Variants in TNIP2 observed in about 807,000 individuals in gnomAD.
TNIP2 encodes TNFAIP3-interacting protein 2.
TNIP2 carries 30 observed loss-of-function variants against 43.7 expected under a neutral mutation model. The observed-to-expected ratio is 0.69, with a 90% CI of 0.51 to 0.93. TNIP2 has a LOEUF of 0.93. Ranked by LOEUF, TNIP2 falls within the 40% of genes least tolerant of loss-of-function variation. The probability of loss-of-function intolerance (pLI) is 0.00; values close to 1 mark genes in which losing one functional copy is unlikely to be tolerated. For missense variants in TNIP2, 599 were observed against 591.0 expected, an observed-to-expected ratio of 1.01 and a Z score of -0.14; for synonymous variants, 260 against 254.6, an observed-to-expected ratio of 1.02 and a Z score of -0.20.
chr4:2,754,370 A>C (rs1722173396), intron 1 of TNIP2, among the ~76,000 whole-genome samples: 1 of 152,276 alleles, frequency 6.6e-6, no homozygotes, highest in African/African-American at 2.4e-5. Context: ...AAAAACAGAC[A>C]TAAACATCAT....
At position 2,744,909 on chromosome 4, in the gene TNIP2, C is replaced by A; in HGVS notation, c.694G>T (p.Ala232Ser). 6.2e-7 allele frequency: 1 copy of A among 1,610,046 alleles called. No homozygotes were observed. Among genetic ancestry groups the A allele is most frequent in the Non-Finnish European group, 8.5e-7 (1 of 1,176,824 alleles). The change falls in exon 4 of 6, where the codon GCC becomes TCC. Residue 232 changes from alanine to serine, a missense_variant. Physicochemically the swap from Ala to Ser is moderately conservative, Grantham distance 99. Coordinates refer to ENST00000315423, the MANE Select transcript of TNIP2 (RefSeq NM_024309.4). This position sits in a 1 kb window ranked among gnomAD's most constrained non-coding sequence, Gnocchi z 5.1. The part of the protein sequence containing the change: ...DLNAKWQRYN[A>S]SRDEYVRGLH... ...CCCCTCACGTATTCGTCCCTGCTGG[C>A]GTTGTAGCGCTGCCACTTGGCATTG... is the stretch of plus-strand genomic sequence containing the variant.
At position 2,747,929 on chromosome 4, in the gene TNIP2, G is replaced by A. The variant is rs748371037; in HGVS notation, c.293C>T (p.Thr98Ile). ...CCTCTCTTTTTCTTCTAGTCGCTCA[G>A]TCAGCCTCTCAATTTCCTAAGTGGA... is the stretch of plus-strand genomic sequence containing the variant. Reference protein sequence around the residue: ...AQMRQEIERLTERLEEKEREM... With the variant: ...AQMRQEIERLIERLEEKEREM... Residue 98 changes from threonine to isoleucine, a missense_variant, in exon 2 of 6, where the codon ACT becomes ATT. Physicochemically the swap from Thr to Ile is moderately conservative, Grantham distance 89. Coordinates refer to ENST00000315423, the MANE Select transcript of TNIP2 (RefSeq NM_024309.4). The A allele has an allele frequency of 6.2e-7, 1 of 1,612,040 alleles. No homozygotes were observed. The highest frequency in any genetic ancestry group is 1.1e-5 in the South Asian group (1 of 91,080).
At chr4:2,746,458 T>C (rs767057131) in intron 2 of TNIP2, among the ~76,000 whole-genome samples, 5 of 152,008 alleles carry the variant, frequency 3.3e-5, no homozygotes, top group Non-Finnish European at 7.4e-5. Context: ...ACACAGTGAC[T>C]CAAAATCAGA....
intron 1 of TNIP2, among the ~76,000 whole-genome samples, chr4:2,752,687 C>T (rs1037466789): frequency 1.3e-5 from 2 of 152,200 alleles, no homozygotes; most frequent in African/African-American, 2.4e-5. Flanking sequence ...TCCATTCTTC[C>T]ACAGGTTCCA....
At chr4:2,753,439 CAAAAAAAT>C (rs1004362753) in intron 1 of TNIP2, among the ~76,000 whole-genome samples, 7 of 151,732 alleles carry the variant, frequency 4.6e-5, no homozygotes, top group Admixed American at 3.3e-4. Flanking sequence ...GACCCTGTCT[CAAAAAAAT>C]AAAAAAATAA....
chr4:2,752,671 A>G (rs1722132790), intron 1 of TNIP2, among the ~76,000 whole-genome samples: 1 of 152,202 alleles, frequency 6.6e-6, no homozygotes, highest in Admixed American at 6.5e-5. Flanking sequence ...GGAGGTGACA[A>G]ACCTCTCCAT....
At position 2,747,872 on chromosome 4, in the gene TNIP2, T is replaced by C. The variant is rs1721994946; in HGVS notation, c.350A>G (p.His117Arg). ...CAGGACGACTTCCTTCTCTCGCTCG[T>C]GTTGGGGCTGGCTCAGCAGCTGCTG... Reference protein sequence around the residue: ...EMQQLLSQPQHEREKEVVLLR... With the variant: ...EMQQLLSQPQREREKEVVLLR... Residue 117 changes from histidine to arginine, a missense_variant, in exon 2 of 6, where the codon CAC becomes CGC. Coordinates refer to ENST00000315423, the MANE Select transcript of TNIP2 (RefSeq NM_024309.4). 1 of 1,613,878 alleles carries C rather than the reference T, an allele frequency of 6.2e-7. No homozygotes were observed. Among genetic ancestry groups the C allele is most frequent in the Non-Finnish European group, 8.5e-7 (1 of 1,180,052 alleles).
chr4:2,755,812 T>A, intron 1 of TNIP2: 1 of 223,914 alleles, frequency 4.5e-6, no homozygotes, highest in Non-Finnish European at 5.4e-6. Flanking sequence ...CGGGGCCCCC[T>A]CACCCCCAGG....
chr4:2,750,590 T>C (rs1220914539), intron 1 of TNIP2, among the ~76,000 whole-genome samples: 1 of 151,728 alleles, frequency 6.6e-6, no homozygotes, highest in African/African-American at 2.4e-5. Context: ...AAGGCTGCAG[T>C]GTGCTGTGAC....
At chr4:2,749,216 C>A (rs1295498556) in intron 1 of TNIP2, among the ~76,000 whole-genome samples, 1 of 152,130 alleles carries the variant, frequency 6.6e-6, no homozygotes, top group African/African-American at 2.4e-5. Flanking sequence ...AGCAAATCCT[C>A]CCACCTCAGC....
intron 1 of TNIP2, among the ~76,000 whole-genome samples, chr4:2,753,738 TC>T (rs1431590348): frequency 9.9e-5 from 15 of 152,206 alleles, no homozygotes; most frequent in Non-Finnish European, 5.9e-5. Flanking sequence ...TGGTCTGTAC[TC>T]ATCTGTGGCT....
intron 1 of TNIP2, 88 bp from the exon 2 acceptor site, chr4:2,748,033 G>A (rs1042192512): frequency 1.3e-5 from 18 of 1,401,488 alleles, no homozygotes; most frequent in South Asian, 2.6e-5. Context: ...AAGACCTGGC[G>A]TGGATGCCCC....
Position 2,745,064 on chromosome 4 carries a change from G to A in TNIP2, c.658-119C>T, listed in dbSNP as rs1287185934. On this transcript the variant is annotated intron_variant, in intron 3 of 5. Transcript: ENST00000315423. ...GCTGAGTGAGAGTTTCCTCTTAAAT[G>A]GAAGCTGCCCCTCCCTGTTCTGTAG... 4 of 1,322,742 alleles carry A rather than the reference G, an allele frequency of 3.0e-6. No homozygotes were observed. In the East Asian group the frequency reaches 7.4e-5, roughly 25 times the overall value. 81.9% of individuals were successfully genotyped at this position (1,322,742 alleles called of 1,614,324 possible). A position where few individuals can be genotyped will look rare whatever the true frequency, so the allele number is the denominator to read the frequency against.
chr4:2,750,096 T>G (rs34388908), intron 1 of TNIP2, among the ~76,000 whole-genome samples: 1 of 152,164 alleles, frequency 6.6e-6, no homozygotes, highest in South Asian at 2.1e-4. Context: ...AGCCACCACA[T>G]CTGACCTGAC....
In TNIP2 at chr4:2,744,735, C is replaced by T. The variant is rs763953761; in HGVS notation, c.868G>A (p.Asp290Asn). ...ATCTGCACCCGCTCCAACGCAGCAT[C>T]CCGGGCCGTCCTGGAGGCCGCCAGC... ...QELAASRTAR[D>N]AALERVQMLE... is the part of the protein sequence containing the mutation. Residue 290 changes from aspartate to asparagine, a missense_variant, in exon 4 of 6, where the codon GAT (aspartate) becomes AAT (asparagine). Physicochemically the swap from Asp to Asn is conservative, Grantham distance 23. Coordinates refer to ENST00000315423, the MANE Select transcript of TNIP2 (RefSeq NM_024309.4). This position sits in a 1 kb window ranked among gnomAD's most constrained non-coding sequence, Gnocchi z 5.1. The T allele has an allele frequency of 3.7e-6, 6 of 1,606,682 alleles. No homozygotes were observed. The South Asian group carries it at 4.4e-5, about 12-fold the overall frequency.
intron 1 of TNIP2, among the ~76,000 whole-genome samples, chr4:2,755,362 C>T (rs1722204290): frequency 6.6e-6 from 1 of 151,620 alleles, no homozygotes; most frequent in Non-Finnish European, 1.5e-5. Context: ...CCCCTAAGAG[C>T]CCACCTGAAC....
Position 2,742,376 on chromosome 4 carries a change from C to A in TNIP2, c.1171G>T (p.Gly391Trp), listed in dbSNP as rs1437891823. The change falls in exon 6 of 6, where the codon GGG (glycine) becomes TGG (tryptophan). Residue 391 changes from glycine to tryptophan, a missense_variant. Transcript: ENST00000315423. ...CCTCTCTGGGCCGCGCCAGGATGCC[C>A]GCCCTCTGCAGGGGGTTCTGGCTGC... ...SQQPEPPAEG[G>W]HPGAAQRGQG... is the part of the protein sequence containing the mutation. 6.2e-7 allele frequency: 1 copy of A among 1,607,576 alleles called. No individual in the cohort carries two copies. Among genetic ancestry groups the A allele is most frequent in the Non-Finnish European group, 8.5e-7 (1 of 1,176,586 alleles).
chr4:2,742,426 C>G lies in TNIP2; in HGVS notation c.1121G>C (p.Gly374Ala). ...ADALELMVPG[G>A]WRPGTGSQQP... ...CTGGGACCCAGTCCCAGGCCTCCAG[C>G]CACCAGGCACCATAAGCTCTAATGC... is the stretch of plus-strand genomic sequence containing the variant. Residue 374 changes from glycine to alanine, a missense_variant, in exon 6 of 6, where the codon GGC becomes GCC. Coordinates refer to ENST00000315423, the MANE Select transcript of TNIP2 (RefSeq NM_024309.4). 3 of 1,612,962 alleles carry G rather than the reference C, an allele frequency of 1.9e-6. No homozygotes were observed. Among genetic ancestry groups the G allele is most frequent in the Non-Finnish European group, 2.5e-6 (3 of 1,179,376 alleles).
intron 2 of TNIP2, chr4:2,746,233 G>A (rs901449503): frequency 6.6e-6 from 1 of 152,310 alleles, no homozygotes; most frequent in African/African-American, 2.4e-5. Flanking sequence ...CTGTATCTCA[G>A]TGACATAATT....
Sources: gnomAD v4.1 joint callset for allele counts (sites outside exome capture counted in the v4.1 genomes callset) on GRCh38, gnomAD v4.1.1 for gene constraint, Gnocchi (gnomAD v3.1) non-coding constraint, MANE v1.5 for transcripts, NCBI Gene and HGNC (gene_info 2026-07-23, HGNC 2026-07-21) for gene names.